The following ABCA13 variants were observed in gnomAD, a reference collection of about 807,000 sequenced individuals.
ABCA13 encodes the protein ATP binding cassette subfamily A member 13.
A neutral mutation model predicts 478.7 loss-of-function variants in ABCA13; 476 were observed. The ratio of observed to expected loss-of-function variants is 0.99; its 90% CI spans 0.92 to 1.07. The LOEUF is 1.07. Ranked by LOEUF, ABCA13 falls within the 50% of genes least tolerant of loss-of-function variation. The pLI, the probability that ABCA13 is intolerant of heterozygous loss-of-function variation, is 0.00. For missense variants in ABCA13, 6,060 were observed against 5,910.6 expected (o/e 1.03, Z -0.83); for synonymous variants, 2,252 against 2,158.9 (o/e 1.04, Z -1.20).
rs182711305 is a variant in ABCA13, at chr7:48,252,615, C to T, written c.2005+3264C>T. On this transcript the variant is annotated intron_variant, in intron 15 of 61. Transcript: ENST00000435803. The stretch of plus-strand genomic sequence containing the variant: ...GTAAAAATATACGATTATAATCTTA[C>T]GGGACCAAGCATCATTATGTGGTAT... Among the ~76,000 whole-genome samples, 220 of 152,248 alleles carry T rather than the reference C, an allele frequency of 1.4e-3. 3 individuals carry two copies. Among genetic ancestry groups the T allele is most frequent in the African/African-American group, 4.5e-3 (189 of 41,550 alleles).
chr7:48,303,150 CT>C (rs1271268819), intron 23 of ABCA13, among the ~76,000 whole-genome samples: 1 of 151,994 alleles, frequency 6.6e-6, no homozygotes, highest in Non-Finnish European at 1.5e-5. Flanking sequence ...TGAAAAGTGT[CT>C]GTTCATGTCC....
Position 48,218,520 on chromosome 7 carries a change from AT to A in ABCA13, c.288-824del, listed in dbSNP as rs199906781. 2.7e-3 allele frequency among the ~76,000 whole-genome samples: 400 copies of A among 150,070 alleles called. 2 individuals are homozygous for A. The highest frequency in any genetic ancestry group is 9.1e-3 in the African/African-American group (372 of 41,076). On this transcript the variant is annotated intron_variant, in intron 3 of 61. Transcript: ENST00000435803. ...CGATATAGCAAGATCCTCTCTCTAC[AT>A]TTTTTTTTTAAAGCAAAGCAAAACA...
intron 53 of ABCA13, among the ~76,000 whole-genome samples, chr7:48,523,200 G>A (rs1437251249): frequency 1.3e-5 from 2 of 151,854 alleles, no homozygotes; most frequent in African/African-American, 4.8e-5. Context: ...ATATAAATGA[G>A]GTCATGTAAG....
chr7:48,430,831 T>C (rs1822050115), intron 42 of ABCA13, among the ~76,000 whole-genome samples: 1 of 152,192 alleles, frequency 6.6e-6, no homozygotes, highest in Non-Finnish European at 1.5e-5. Context: ...ATTTTTCTCT[T>C]TTCAATTTCA....
Position 48,276,336 on chromosome 7 carries a change from G to T in ABCA13, c.6670G>T (p.Ala2224Ser). ...NNLAGNSQEAAWNLNDTDLQI... is the reference protein window; with the variant it reads ...NNLAGNSQEASWNLNDTDLQI... ...CTTAGCTGGGAATTCTCAGGAAGCAGCTTGGAACTTAAATGATACTGACCT... is the reference window on the plus strand; with the variant it reads ...CTTAGCTGGGAATTCTCAGGAAGCATCTTGGAACTTAAATGATACTGACCT... Residue 2224 changes from alanine to serine, a missense_variant, in exon 17 of 62, where the codon GCT becomes TCT. Coordinates refer to ENST00000435803, the MANE Select transcript of ABCA13 (RefSeq NM_152701.5). 2 of 1,557,456 alleles carry T rather than the reference G, an allele frequency of 1.3e-6. No individual in the cohort carries two copies. The highest frequency in any genetic ancestry group is 8.7e-7 in the Non-Finnish European group (1 of 1,149,664).
chr7:48,476,329 A>G (rs1486690570), intron 45 of ABCA13, among the ~76,000 whole-genome samples: 1 of 152,218 alleles, frequency 6.6e-6, no homozygotes, highest in Non-Finnish European at 1.5e-5. Context: ...GGTTGTAACC[A>G]GCAAAAGGGC....
intron 42 of ABCA13, among the ~76,000 whole-genome samples, chr7:48,428,235 AC>A (rs1280390694): frequency 6.6e-6 from 1 of 152,054 alleles, no homozygotes; most frequent in African/African-American, 2.4e-5. Flanking sequence ...ATGTGCAGGC[AC>A]CCTCCTGGTA....
At chr7:48,208,459 T>A (rs970877535) in intron 3 of ABCA13, among the ~76,000 whole-genome samples, 1 of 152,106 alleles carries the variant, frequency 6.6e-6, no homozygotes, top group African/African-American at 2.4e-5. Context: ...TTCTAACTTT[T>A]TGTGTGTCCT....
chr7:48,193,805 T>C (rs1329815959), intron 2 of ABCA13, among the ~76,000 whole-genome samples: 2 of 151,180 alleles, frequency 1.3e-5, no homozygotes, highest in African/African-American at 2.4e-5. Flanking sequence ...ATGGAGATGA[T>C]GATTGGGAAA....
At chr7:48,366,964 A>T (rs1489222934) in intron 31 of ABCA13, among the ~76,000 whole-genome samples, 2 of 152,144 alleles carry the variant, frequency 1.3e-5, no homozygotes, top group Non-Finnish European at 2.9e-5. Flanking sequence ...TGTTTGGCTC[A>T]TTCATGTATC....
chr7:48,344,050 G>A (rs1320435933), intron 29 of ABCA13, among the ~76,000 whole-genome samples: 2 of 151,986 alleles, frequency 1.3e-5, no homozygotes, highest in Admixed American at 6.5e-5. Flanking sequence ...TAAATGTTTG[G>A]TGATATTATG....
At position 48,278,718 on chromosome 7, in the gene ABCA13, C is replaced by G; in HGVS notation, c.7524C>G (p.Asp2508Glu). 1 of 1,613,958 alleles carries G rather than the reference C, an allele frequency of 6.2e-7. No individual in the cohort carries two copies. The highest frequency in any genetic ancestry group is 8.5e-7 in the Non-Finnish European group (1 of 1,179,868). The stretch of plus-strand genomic sequence containing the variant: ...GGACTCTGGTCATGCTGTTGAATGA[C>G]AGTGCTGACCTGAGAGATCTTGCCA... ...MSGTLVMLLN[D>E]SADLRDLATS... is the part of the protein sequence containing the mutation. Residue 2508 changes from aspartate (D) to glutamate (E), a missense_variant, in exon 18 of 62, where the codon GAC becomes GAG. By Grantham distance (45) the Asp-to-Glu change is conservative. This residue lies in a region of ABCA13 where 4,423 missense variants were observed against 4,309.1 expected (regional missense o/e 1.03). Transcript: ENST00000435803.
At chr7:48,517,386 AT>A (rs1832208502) in intron 52 of ABCA13, among the ~76,000 whole-genome samples, 1 of 152,056 alleles carries the variant, frequency 6.6e-6, no homozygotes, top group South Asian at 2.1e-4. Flanking sequence ...AACAAATTTA[AT>A]TTTGCTGTTT....
chr7:48,580,365 C>A lies in ABCA13; in HGVS notation c.14496C>A (p.Cys4832Ter). 1 of 1,611,974 alleles carries A rather than the reference C, an allele frequency of 6.2e-7. No homozygotes were observed. The highest frequency in any genetic ancestry group is 8.5e-7 in the Non-Finnish European group (1 of 1,179,010). Residue 4832 changes from cysteine (C) to a stop codon, truncating the protein, a stop_gained, in exon 56 of 62, where the codon TGC (cysteine) becomes TGA (stop). Coordinates refer to ENST00000435803, the MANE Select transcript of ABCA13 (RefSeq NM_152701.5). LOFTEE classifies it high-confidence loss of function. The part of the protein sequence containing the change: ...YCSLRGIPRQ[C>*]IPEVAGDLIR... ...GCTTACGCGGGATTCCAAGGCAGTGCATCCCTGAGGTAAATCTCCCTGGGG... is the reference window on the plus strand; with the variant it reads ...GCTTACGCGGGATTCCAAGGCAGTGAATCCCTGAGGTAAATCTCCCTGGGG...
At chr7:48,606,510 G>A (rs1262476272) in intron 58 of ABCA13, among the ~76,000 whole-genome samples, 2 of 151,292 alleles carry the variant, frequency 1.3e-5, no homozygotes, top group Non-Finnish European at 1.5e-5. Context: ...CTGGAGATCC[G>A]CTCCAGACCC....
At chr7:48,539,250 T>G (rs1289722176) in intron 55 of ABCA13, among the ~76,000 whole-genome samples, 1 of 147,150 alleles carries the variant, frequency 6.8e-6, no homozygotes, top group Non-Finnish European at 1.5e-5. Context: ...CTCATAACCT[T>G]GTGTAAAAAT....
intron 39 of ABCA13, among the ~76,000 whole-genome samples, chr7:48,407,248 T>C (rs1415266599): frequency 2.6e-5 from 4 of 151,874 alleles, no homozygotes; most frequent in Non-Finnish European, 5.9e-5. Flanking sequence ...CCGAGAGAAG[T>C]GGATCACCTG....
intron 51 of ABCA13, among the ~76,000 whole-genome samples, chr7:48,513,722 A>G (rs1049406639): frequency 6.6e-6 from 1 of 152,202 alleles, no homozygotes; most frequent in Non-Finnish European, 1.5e-5. Flanking sequence ...GATTGTTGAA[A>G]TTCATTGTAA....
intron 42 of ABCA13, among the ~76,000 whole-genome samples, chr7:48,429,802 C>T (rs893757413): frequency 4.3e-4 from 66 of 152,188 alleles, no homozygotes; most frequent in Non-Finnish European, 1.5e-4. Context: ...GCTTTCTCTG[C>T]ATCTATTGAG....
Sources: allele counts gnomAD v4.1 joint callset (sites outside exome capture counted in the v4.1 genomes callset), GRCh38; gene constraint gnomAD v4.1.1; regional missense constraint gnomAD v4.1.1; transcripts MANE v1.5; gene names NCBI Gene and HGNC (gene_info 2026-07-23, HGNC 2026-07-21).